The following TSEN2 variants were observed in gnomAD, a reference collection of about 807,000 sequenced individuals.
TSEN2 encodes the protein tRNA splicing endonuclease subunit 2, also known as tRNA-splicing endonuclease subunit Sen2.
In TSEN2, 54 loss-of-function variants were observed where a neutral mutation model predicts 59.2. The observed-to-expected ratio is 0.91, with a 90% CI of 0.73 to 1.14. The LOEUF (loss-of-function observed/expected upper bound fraction) is 1.14. Among genes scored for constraint, TSEN2 ranks in the 50% most tolerant of loss-of-function variants. TSEN2 has a pLI of 0.00. For synonymous variants in TSEN2, 195 were observed against 198.2 expected (o/e 0.98, Z 0.14); for missense variants, 636 against 576.2 (o/e 1.10, Z -1.06).
intron 8 of TSEN2, among the ~76,000 whole-genome samples, chr3:12,526,672 C>T (rs563237342): frequency 6.6e-6 from 1 of 152,318 alleles, no homozygotes; most frequent in South Asian, 2.1e-4. Context: ...TGCCATACAC[C>T]GTGCTAATAC....
intron 5 of TSEN2, among the ~76,000 whole-genome samples, chr3:12,504,796 G>A (rs1213298592): frequency 6.6e-6 from 1 of 151,492 alleles, no homozygotes; most frequent in Non-Finnish European, 1.5e-5. Flanking sequence ...AAGCGGGAGG[G>A]TTGCTTGAGG....
At chr3:12,517,231 G>C (rs528939103) in intron 7 of TSEN2, among the ~76,000 whole-genome samples, 2 of 151,806 alleles carry the variant, frequency 1.3e-5, no homozygotes, top group African/African-American at 4.8e-5. Flanking sequence ...GTTGGCATGC[G>C]CCTGTAGTTC....
intron 1 of TSEN2, among the ~76,000 whole-genome samples, chr3:12,487,568 A>C (rs2052749341): frequency 6.6e-6 from 1 of 152,188 alleles, no homozygotes; most frequent in Non-Finnish European, 1.5e-5. Context: ...AAAAGTGAAA[A>C]ATCCCATAAA....
intron 6 of TSEN2, among the ~76,000 whole-genome samples, chr3:12,513,111 C>T (rs773875894): frequency 5.3e-5 from 8 of 152,292 alleles, no homozygotes; most frequent in Middle Eastern, 3.4e-3. Flanking sequence ...AGTGCCTAGT[C>T]GCATTTTGCA....
chr3:12,525,503 G>C (rs1198103749), intron 8 of TSEN2, among the ~76,000 whole-genome samples: 6 of 151,910 alleles, frequency 3.9e-5, no homozygotes, highest in Admixed American at 2.6e-4. Context: ...TCTTCTGTAA[G>C]AAAGAGTTTT....
At chr3:12,513,313 T>C (rs1291463103) in intron 6 of TSEN2, among the ~76,000 whole-genome samples, 1 of 152,176 alleles carries the variant, frequency 6.6e-6, no homozygotes, top group African/African-American at 2.4e-5. Flanking sequence ...CAGGCTGTGC[T>C]ATCCAGTTAT....
intron 6 of TSEN2, chr3:12,515,164 TAGCC>T (rs2055928536): frequency 6.6e-6 from 1 of 152,200 alleles, no homozygotes; most frequent in Admixed American, 6.5e-5. Flanking sequence ...TGTCATCAGA[TAGCC>T]AGGCAGAGAA....
chr3:12,524,748 T>C (rs1234678733), intron 8 of TSEN2, among the ~76,000 whole-genome samples: 1 of 151,112 alleles, frequency 6.6e-6, no homozygotes, highest in East Asian at 1.9e-4. Flanking sequence ...TCTTTTTTTT[T>C]TTTTTTTTTC....
intron 8 of TSEN2, among the ~76,000 whole-genome samples, chr3:12,526,817 G>A (rs997387624): frequency 2.6e-5 from 4 of 152,146 alleles, no homozygotes; most frequent in African/African-American, 7.2e-5. Flanking sequence ...GTGCTGTGTC[G>A]GAGCCCATCA....
chr3:12,525,982 A>G (rs973246241), intron 8 of TSEN2, among the ~76,000 whole-genome samples: 1 of 152,116 alleles, frequency 6.6e-6, no homozygotes, highest in Non-Finnish European at 1.5e-5. Flanking sequence ...ATCTTATGGG[A>G]CCACGGTCAT....
intron 8 of TSEN2, among the ~76,000 whole-genome samples, chr3:12,519,408 C>T (rs1044767114): frequency 6.6e-6 from 1 of 152,194 alleles, no homozygotes; most frequent in Non-Finnish European, 1.5e-5. Context: ...TAGAAGCTTG[C>T]AACGCCAGTT....
At chr3:12,518,211 A>T (rs2056318961) in intron 7 of TSEN2, among the ~76,000 whole-genome samples, 1 of 152,220 alleles carries the variant, frequency 6.6e-6, no homozygotes, top group Admixed American at 6.5e-5. Flanking sequence ...GTTAATTATT[A>T]GTTTGTGCCA....
chr3:12,536,484 C>T (rs1291366384), downstream of TSEN2, among the ~76,000 whole-genome samples: 3 of 152,102 alleles, frequency 2.0e-5, no homozygotes, highest in African/African-American at 4.8e-5. Flanking sequence ...TAAAGAAGCA[C>T]ATCTCAGGAG....
chr3:12,489,684 C>A, intron 1 of TSEN2, 100 bp from the exon 2 acceptor site: 1 of 946,300 alleles, frequency 1.1e-6, no homozygotes, highest in South Asian at 1.4e-5. Flanking sequence ...TTCCCACAGA[C>A]CACTAAGTTT....
chr3:12,483,325 A>G (rs1282240625), upstream of TSEN2, among the ~76,000 whole-genome samples: 1 of 152,188 alleles, frequency 6.6e-6, no homozygotes, highest in Non-Finnish European at 1.5e-5. Flanking sequence ...GCAGTGAGGT[A>G]AGTGAGCTGA....
Position 12,503,670 on chromosome 3 carries a change from C to T in TSEN2, c.717C>T (p.Gly239=). 1 of 1,607,254 alleles carries T rather than the reference C, an allele frequency of 6.2e-7. No homozygotes were observed. Among genetic ancestry groups the T allele is most frequent in the Non-Finnish European group, 8.5e-7 (1 of 1,176,666 alleles). The change falls in exon 5 of 12, where the codon GGC becomes GGT. Residue 239 remains glycine, a synonymous_variant. Transcript: ENST00000284995. ...ILQRGLHHED[G]SQHIGLLHPG... ...AGCGTGGCCTTCATCATGAAGACGG[C>T]AGCCAGCACATCGGCCTCCTGCATC...
At chr3:12,522,847 G>A (rs1000390317) in intron 8 of TSEN2, among the ~76,000 whole-genome samples, 10 of 152,054 alleles carry the variant, frequency 6.6e-5, no homozygotes, top group African/African-American at 2.2e-4. Flanking sequence ...TTGCCTACTG[G>A]GGAAGCCAGG....
rs35466636 is a variant in TSEN2, at chr3:12,511,569, CT to C, written c.910-5027del. Among the ~76,000 whole-genome samples, 436 of 141,002 alleles carry C rather than the reference CT, an allele frequency of 3.1e-3. 1 individual carries two copies. Among genetic ancestry groups the C allele is most frequent in the African/African-American group, 7.1e-3 (271 of 38,080 alleles). 92.5% of individuals were successfully genotyped at this position (141,002 alleles called of 152,430 possible). On this transcript the variant is annotated intron_variant, in intron 6 of 11. Coordinates refer to ENST00000284995, the MANE Select transcript of TSEN2 (RefSeq NM_025265.4). Reference sequence around the variant, plus strand: ...GAAATAGAAAACAAGGATAATTATGCTTTTTTTTTTTTTTTGAGGCAGGGTC... The same window carrying C: ...GAAATAGAAAACAAGGATAATTATGCTTTTTTTTTTTTTTGAGGCAGGGTC...
At chr3:12,528,802 T>C in intron 8 of TSEN2, 86 bp from the exon 9 acceptor site, 2 of 1,442,266 alleles carry the variant, frequency 1.4e-6, no homozygotes, top group East Asian at 2.3e-5. Flanking sequence ...AGAAGAAAAG[T>C]TAATAAAGCA....
Sources: allele counts gnomAD v4.1 joint callset (sites outside exome capture counted in the v4.1 genomes callset), GRCh38; gene constraint gnomAD v4.1.1; transcripts MANE v1.5; gene names NCBI Gene and HGNC (gene_info 2026-07-23, HGNC 2026-07-21).